Variants in BCL11B observed in about 807,000 individuals in gnomAD.
BCL11B encodes the protein B-cell lymphoma/leukemia 11B.
BCL11B carries 8 observed loss-of-function variants against 49.9 expected under a neutral mutation model. The ratio of observed to expected loss-of-function variants is 0.16; its 90% CI spans 0.09 to 0.29. The LOEUF (loss-of-function observed/expected upper bound fraction) is 0.29. Ranked by LOEUF, BCL11B falls within the 10% of genes least tolerant of loss-of-function variation. The probability of loss-of-function intolerance (pLI) is 1.00; values close to 1 mark genes in which losing one functional copy is unlikely to be tolerated. For synonymous variants in BCL11B, 739 were observed against 637.4 expected (o/e 1.16, Z -2.40); for missense variants, 1,006 against 1,351.0 (o/e 0.74, Z 4.00).
chr14:99,207,056 C>A (rs749477342), intron 3 of BCL11B, among the ~76,000 whole-genome samples: 36 of 152,202 alleles, frequency 2.4e-4, no homozygotes, highest in Non-Finnish European at 4.3e-4. Flanking sequence ...ATAAGTGAAT[C>A]AGAAATCACA....
At chr14:99,220,116 G>A (rs984229956) in intron 3 of BCL11B, among the ~76,000 whole-genome samples, 5 of 152,360 alleles carry the variant, frequency 3.3e-5, no homozygotes, top group Non-Finnish European at 7.3e-5. Context: ...AGGATGCGGA[G>A]AAATGAGAAC....
chr14:99,226,088 T>C (rs1888153380), intron 3 of BCL11B, among the ~76,000 whole-genome samples: 2 of 152,232 alleles, frequency 1.3e-5, no homozygotes, highest in South Asian at 4.1e-4. Context: ...AACAGCACTG[T>C]GAAGGCTGGG....
Position 99,232,289 on chromosome 14 carries a change from C to A in BCL11B, c.428-732G>T, listed in dbSNP as rs2139893885. ...CCATGTGACAGCAAGGACACAGGGC[C>A]AGGGCCGGCCCCGCCTCTGCCCAGC... is the stretch of plus-strand genomic sequence containing the variant. On this transcript the variant is annotated intron_variant, in intron 2 of 3. Transcript: ENST00000357195. This position sits in a 1 kb window ranked among gnomAD's most constrained non-coding sequence, Gnocchi z 5.1. Among the ~76,000 whole-genome samples, 1 of 152,124 alleles carries A rather than the reference C, an allele frequency of 6.6e-6. No homozygotes were observed. Among genetic ancestry groups the A allele is most frequent in the East Asian group, 1.9e-4 (1 of 5,130 alleles).
chr14:99,176,249 GCGCGGGCAC>G, intron 3 of BCL11B, 54 bp from the exon 4 acceptor site: 1 of 1,542,902 alleles, frequency 6.5e-7, no homozygotes, highest in Non-Finnish European at 8.8e-7. Context: ...CGGCAGCGGG[GCGCGGGCAC>G]CGCAGGGCCA....
At chr14:99,266,660 C>T (rs76929031) in intron 1 of BCL11B, among the ~76,000 whole-genome samples, 5,908 of 152,276 alleles carry the variant, frequency 0.039, 175 homozygotes, top group Middle Eastern at 0.075. Context: ...CGTAAACTGC[C>T]GCCGCTGCTG....
intron 2 of BCL11B, among the ~76,000 whole-genome samples, chr14:99,238,098 T>C (rs1888557668): frequency 6.6e-6 from 1 of 150,818 alleles, no homozygotes; most frequent in African/African-American, 2.4e-5. Flanking sequence ...GCACCCACCG[T>C]GAGAAGGCTT....
At chr14:99,255,787 G>A (rs759219080) in intron 2 of BCL11B, among the ~76,000 whole-genome samples, 47 of 152,222 alleles carry the variant, frequency 3.1e-4, no homozygotes, top group South Asian at 4.1e-4. Context: ...GGCTCAGCCC[G>A]GTGAAGAGAC....
At chr14:99,176,423 C>T (rs1253639416) in intron 3 of BCL11B, among the ~76,000 whole-genome samples, 1 of 152,180 alleles carries the variant, frequency 6.6e-6, no homozygotes. Flanking sequence ...GCCACCCGGG[C>T]GCCAGCGACT....
Position 99,272,161 on chromosome 14 carries a change from T to C in BCL11B, c.-943A>G, listed in dbSNP as rs1889708935. ...AGATTGCAACGTGAAGATGGCGGAG[T>C]CCGGGTTCTCTGGGAGCTCTCGGTC... On this transcript the variant is annotated 5_prime_UTR_variant, in exon 1 of 4. Transcript: ENST00000357195. The surrounding 1 kb of genome is among the most constrained non-coding windows in gnomAD (Gnocchi z 6.0). 6.6e-6 allele frequency among the ~76,000 whole-genome samples: 1 copy of C among 151,498 alleles called. No individual in the cohort carries two copies. The highest frequency in any genetic ancestry group is 1.5e-5 in the Non-Finnish European group (1 of 67,864).
At chr14:99,199,683 T>TGTGTGTGTGTGTGCGCGCGCGCGCGC (rs759599743) in intron 3 of BCL11B, among the ~76,000 whole-genome samples, 2 of 73,644 alleles carry the variant, frequency 2.7e-5, no homozygotes, top group Admixed American at 1.4e-4. Flanking sequence ...TGTGTGTGTG[T>TGTGTGTGTGTGTGCGCGCGCGCGCGC]GCGCGCGCGC....
At chr14:99,220,440 A>G (rs1887975415) in intron 3 of BCL11B, among the ~76,000 whole-genome samples, 1 of 152,210 alleles carries the variant, frequency 6.6e-6, no homozygotes, top group Admixed American at 6.5e-5. Flanking sequence ...GTGCTACAAC[A>G]TGGATGGACC....
intron 2 of BCL11B, among the ~76,000 whole-genome samples, chr14:99,246,297 C>T (rs1888835053): frequency 6.6e-6 from 1 of 152,218 alleles, no homozygotes; most frequent in Non-Finnish European, 1.5e-5. Flanking sequence ...CCATTAAGCC[C>T]CCGAATTATG....
chr14:99,229,749 AAC>A (rs1205540726), intron 3 of BCL11B, among the ~76,000 whole-genome samples: 2 of 152,070 alleles, frequency 1.3e-5, no homozygotes, highest in Non-Finnish European at 2.9e-5. Flanking sequence ...TCCAGTAATA[AAC>A]ACTCAGGCTG....
intron 2 of BCL11B, among the ~76,000 whole-genome samples, chr14:99,236,229 C>T (rs1372723200): frequency 6.6e-6 from 1 of 152,136 alleles, no homozygotes; most frequent in African/African-American, 2.4e-5. Flanking sequence ...GCAGATAACC[C>T]AATTCGCACG....
intron 1 of BCL11B, among the ~76,000 whole-genome samples, chr14:99,259,691 G>A (rs911618992): frequency 1.3e-5 from 2 of 152,204 alleles, no homozygotes; most frequent in African/African-American, 4.8e-5. Context: ...TAAAGAAACA[G>A]TCCTCACAAA....
rs765689896 is a variant in BCL11B at position 99,175,254 on chromosome 14, G to C, written c.1582C>G (p.His528Asp). ...RHHESDPSLG[H>D]EPEEEDEEEE... ...TCCTCGTCCTCCTCCTCCGGCTCGTGGCCCAGCGACGGGTCGCTCTCGTGG... is the reference window on the plus strand; with the variant it reads ...TCCTCGTCCTCCTCCTCCGGCTCGTCGCCCAGCGACGGGTCGCTCTCGTGG... Residue 528 changes from histidine to aspartate, a missense_variant, in exon 4 of 4, where the codon CAC becomes GAC. By Grantham distance (81) the His-to-Asp change is moderately conservative. Around this residue, in one of 6 missense-constraint regions of BCL11B, gnomAD observed 443 missense variants for 499.7 expected, o/e 0.89. Transcript: ENST00000357195. 6.5e-7 allele frequency: 1 copy of C among 1,544,482 alleles called. No homozygotes were observed. Among genetic ancestry groups the C allele is most frequent in the Non-Finnish European group, 8.7e-7 (1 of 1,148,976 alleles).
intron 1 of BCL11B, among the ~76,000 whole-genome samples, chr14:99,261,833 GA>G (rs1889346141): frequency 6.6e-6 from 1 of 152,162 alleles, no homozygotes; most frequent in South Asian, 2.1e-4. Context: ...GGCTGAGGCG[GA>G]TTCTGAAATG....
At chr14:99,230,372 C>G (rs1888292126) in intron 3 of BCL11B, among the ~76,000 whole-genome samples, 1 of 152,236 alleles carries the variant, frequency 6.6e-6, no homozygotes, top group South Asian at 2.1e-4. Context: ...CAAATCTGCC[C>G]CAGCTCTGCA....
intron 3 of BCL11B, among the ~76,000 whole-genome samples, chr14:99,185,455 A>C (rs959883460): frequency 3.3e-5 from 5 of 151,942 alleles, no homozygotes; most frequent in African/African-American, 7.3e-5. Context: ...AGAAAAAAAA[A>C]AAAAAAACTA....
Sources: gnomAD v4.1 joint callset for allele counts (sites outside exome capture counted in the v4.1 genomes callset) on GRCh38, gnomAD v4.1.1 for gene constraint, gnomAD v4.1.1 regional missense constraint, Gnocchi (gnomAD v3.1) non-coding constraint, MANE v1.5 for transcripts, NCBI Gene and HGNC (gene_info 2026-07-23, HGNC 2026-07-21) for gene names.